Variants in CMSS1 observed in about 807,000 individuals in gnomAD.
The protein encoded by CMSS1 is cms1 ribosomal small subunit homolog.
Under a neutral mutation model 43.5 loss-of-function variants are expected in CMSS1, and 33 were observed. That is an observed-to-expected ratio of 0.76 (90% CI 0.57 to 1.01). CMSS1 has a LOEUF of 1.01. CMSS1 is among the 50% of genes least tolerant of loss of function. The pLI is 0.00. For missense variants in CMSS1, 313 were observed against 326.4 expected, an observed-to-expected ratio of 0.96 and a Z score of 0.32; for synonymous variants, 115 against 117.2, an observed-to-expected ratio of 0.98 and a Z score of 0.12.
intron 1 of CMSS1, among the ~76,000 whole-genome samples, chr3:99,983,918 A>G (rs1709250244): frequency 6.6e-6 from 1 of 152,168 alleles, no homozygotes; most frequent in South Asian, 2.1e-4. Context: ...AGCCTAGAGG[A>G]AGGCCAAGAG....
intron 1 of CMSS1, among the ~76,000 whole-genome samples, chr3:99,839,917 T>A (rs1329710315): frequency 6.6e-6 from 1 of 152,124 alleles, no homozygotes; most frequent in Admixed American, 6.5e-5. Flanking sequence ...TATATAAGAG[T>A]GGAACTCTTA....
intron 1 of CMSS1, among the ~76,000 whole-genome samples, chr3:99,895,799 T>A (rs1464012321): frequency 6.6e-6 from 1 of 152,208 alleles, no homozygotes; most frequent in Non-Finnish European, 1.5e-5. Flanking sequence ...CCTAGCAGCC[T>A]TCACCCATAG....
At chr3:100,058,894 G>T (rs1367173698) in intron 1 of CMSS1, among the ~76,000 whole-genome samples, 1 of 152,180 alleles carries the variant, frequency 6.6e-6, no homozygotes, top group African/African-American at 2.4e-5. Flanking sequence ...TTTTCTTTCT[G>T]ATCTTCTAAC....
chr3:99,849,701 G>A, intron 1 of CMSS1: 2 of 1,613,604 alleles, frequency 1.2e-6, no homozygotes, highest in Non-Finnish European at 1.7e-6. Flanking sequence ...CTTCGTTCTA[G>A]AGTCTCATAT....
At chr3:100,104,465 T>C (rs1439258278) in intron 1 of CMSS1, among the ~76,000 whole-genome samples, 1 of 152,208 alleles carries the variant, frequency 6.6e-6, no homozygotes, top group African/African-American at 2.4e-5. Context: ...TGGTTACCAT[T>C]TTATAAACTT....
chr3:100,163,408 GTT>G (rs1282443331), intron 4 of CMSS1, among the ~76,000 whole-genome samples: 2 of 152,170 alleles, frequency 1.3e-5, no homozygotes, highest in East Asian at 3.8e-4. Context: ...AATTCTGTAT[GTT>G]TTGCGAGGCT....
rs556708010 is a variant in CMSS1 at position 100,134,891 on chromosome 3, G to A, written c.65-12082G>A. Among the ~76,000 whole-genome samples, 3 of 152,258 alleles carry A rather than the reference G, an allele frequency of 2.0e-5. No homozygotes were observed. In the East Asian group the frequency reaches 5.8e-4, roughly 29 times the overall value. On this transcript the variant is annotated intron_variant, in intron 1 of 9. Transcript: ENST00000421999. The stretch of plus-strand genomic sequence containing the variant: ...TTGTTTTGCCTTCCAAATTTGAGAG[G>A]CAATATTGCATAGTAGTTAAGAGCA...
intron 1 of CMSS1, among the ~76,000 whole-genome samples, chr3:99,827,389 G>A (rs770053456): frequency 7.9e-5 from 12 of 151,824 alleles, no homozygotes; most frequent in East Asian, 1.9e-4. Flanking sequence ...ATGGAATTTC[G>A]CCATGTTGAC....
chr3:100,150,877 A>AT (rs1402494969), intron 2 of CMSS1, among the ~76,000 whole-genome samples: 1 of 152,146 alleles, frequency 6.6e-6, no homozygotes, highest in African/African-American at 2.4e-5. Flanking sequence ...CTTATGAAGG[A>AT]TTTTTTGACT....
At chr3:99,970,386 G>T (rs939653630) in intron 1 of CMSS1, among the ~76,000 whole-genome samples, 8 of 152,214 alleles carry the variant, frequency 5.3e-5, no homozygotes, top group Non-Finnish European at 1.2e-4. Context: ...TCTTAAGCAT[G>T]TAATAACTGA....
chr3:100,002,580 C>A (rs2107169471), intron 1 of CMSS1, among the ~76,000 whole-genome samples: 1 of 152,306 alleles, frequency 6.6e-6, no homozygotes, highest in East Asian at 1.9e-4. Flanking sequence ...AAAAGTAAAG[C>A]TGATTTTATG....
intron 1 of CMSS1, among the ~76,000 whole-genome samples, chr3:99,895,200 A>G (rs538568181): frequency 6.6e-6 from 1 of 152,256 alleles, no homozygotes; most frequent in South Asian, 2.1e-4. Flanking sequence ...AAACTTAACT[A>G]TATTTTATTC....
At chr3:100,123,065 A>T (rs1030803605) in intron 1 of CMSS1, among the ~76,000 whole-genome samples, 3 of 152,244 alleles carry the variant, frequency 2.0e-5, no homozygotes, top group African/African-American at 4.8e-5. Context: ...TGTAAAGTCT[A>T]TGGGAAGGAT....
chr3:99,884,230 A>G (rs998967998), intron 1 of CMSS1, among the ~76,000 whole-genome samples: 22 of 152,100 alleles, frequency 1.4e-4, no homozygotes, highest in African/African-American at 5.3e-4. Flanking sequence ...GCTTCATATA[A>G]TATCCTCTCT....
chr3:100,082,741 T>C (rs1229179587), intron 1 of CMSS1, among the ~76,000 whole-genome samples: 1 of 152,240 alleles, frequency 6.6e-6, no homozygotes, highest in African/African-American at 2.4e-5. Flanking sequence ...CTTAAATTTA[T>C]TGTTACATGT....
In CMSS1 at chr3:100,089,714, A is replaced by G. The variant is rs143013213; in HGVS notation, c.65-57259A>G. On this transcript the variant is annotated intron_variant, in intron 1 of 9. Transcript: ENST00000421999. ...AAATACAAATTTCATAGGCATTTGT[A>G]TGAAGTAAGAATTCATTGCTCGTTA... is the stretch of plus-strand genomic sequence containing the variant. 2.4e-3 allele frequency among the ~76,000 whole-genome samples: 372 copies of G among 152,376 alleles called. 1 individual carries two copies. The highest frequency in any genetic ancestry group is 8.4e-3 in the African/African-American group (350 of 41,582).
At chr3:99,992,516 GTT>G (rs1241546732) in intron 1 of CMSS1, among the ~76,000 whole-genome samples, 6 of 151,708 alleles carry the variant, frequency 4.0e-5, no homozygotes, top group African/African-American at 7.3e-5. Flanking sequence ...GGGTTATTTG[GTT>G]TTTTTCTTGT....
intron 1 of CMSS1, among the ~76,000 whole-genome samples, chr3:100,133,580 A>G (rs150023054): frequency 6.6e-6 from 1 of 152,344 alleles, no homozygotes; most frequent in East Asian, 1.9e-4. Flanking sequence ...AATTTGTAGT[A>G]TAGTATTGAT....
chr3:100,002,780 G>T (rs1319546438), intron 1 of CMSS1, among the ~76,000 whole-genome samples: 1 of 152,144 alleles, frequency 6.6e-6, no homozygotes, highest in Non-Finnish European at 1.5e-5. Flanking sequence ...CTTAGACCAG[G>T]TGGCTTGATC....
Sources: gnomAD v4.1 joint callset for allele counts (sites outside exome capture counted in the v4.1 genomes callset) on GRCh38, gnomAD v4.1.1 for gene constraint, MANE v1.5 for transcripts, NCBI Gene and HGNC (gene_info 2026-07-23, HGNC 2026-07-21) for gene names.